The following VRK1 variants were observed in gnomAD, a reference collection of about 807,000 sequenced individuals.
VRK1 encodes the protein VRK serine/threonine kinase 1.
In VRK1, 33 loss-of-function variants were observed where a neutral mutation model predicts 57.1. That is an observed-to-expected ratio of 0.58 (90% CI 0.44 to 0.77). VRK1 has a LOEUF of 0.77. Among genes scored for constraint, VRK1 ranks in the 30% least tolerant of loss-of-function variants. VRK1 has a pLI of 0.00. For missense variants in VRK1, 413 were observed against 477.3 expected (o/e 0.87, Z 1.25); for synonymous variants, 137 against 147.8 (o/e 0.93, Z 0.53).
chr14:96,863,525 A>G (rs1485469329), intron 11 of VRK1, among the ~76,000 whole-genome samples: 1 of 152,120 alleles, frequency 6.6e-6, no homozygotes, highest in Non-Finnish European at 1.5e-5. Flanking sequence ...TAGGGTTTTA[A>G]GTTGCCTGCC....
intron 1 of VRK1, among the ~76,000 whole-genome samples, chr14:96,820,541 T>G (rs199639848): frequency 6.6e-6 from 1 of 152,238 alleles, no homozygotes; most frequent in African/African-American, 2.4e-5. Flanking sequence ...GTGAGTTGTC[T>G]CTGCTGCTTT....
At chr14:96,800,270 C>G (rs1387894508) in intron 1 of VRK1, among the ~76,000 whole-genome samples, 2 of 151,960 alleles carry the variant, frequency 1.3e-5, no homozygotes, top group Admixed American at 1.3e-4. Context: ...ATTTAAGCAC[C>G]CAGCATTCTG....
At chr14:96,859,448 C>T (rs561553625) in intron 10 of VRK1, among the ~76,000 whole-genome samples, 1 of 152,330 alleles carries the variant, frequency 6.6e-6, no homozygotes, top group South Asian at 2.1e-4. Flanking sequence ...ACATTTTTCT[C>T]TCCCAGGGGA....
chr14:96,849,086 C>T (rs56225078), intron 5 of VRK1, among the ~76,000 whole-genome samples: 9,601 of 152,062 alleles, frequency 0.063, 348 homozygotes, highest in South Asian at 0.11. Context: ...AATGAAGACC[C>T]ATAGAGGAAA....
At chr14:96,797,725 A>G (rs1020227882) in intron 1 of VRK1, among the ~76,000 whole-genome samples, 5 of 152,094 alleles carry the variant, frequency 3.3e-5, no homozygotes, top group African/African-American at 1.2e-4. Context: ...TCTGAGCTCC[A>G]CGTTCTGGAC....
At chr14:96,840,035 G>A (rs1334029413) in intron 3 of VRK1, among the ~76,000 whole-genome samples, 6 of 152,156 alleles carry the variant, frequency 3.9e-5, no homozygotes, top group Non-Finnish European at 7.3e-5. Flanking sequence ...GTCGTTGTTC[G>A]TGAAGGATAT....
At chr14:96,843,202 A>G (rs935853255) in intron 3 of VRK1, among the ~76,000 whole-genome samples, 4 of 152,210 alleles carry the variant, frequency 2.6e-5, no homozygotes, top group Admixed American at 6.5e-5. Flanking sequence ...TGGATAATGC[A>G]AGGAGAAAGA....
At chr14:96,850,556 A>C (rs1887908005) in intron 5 of VRK1, among the ~76,000 whole-genome samples, 1 of 152,196 alleles carries the variant, frequency 6.6e-6, no homozygotes, top group African/African-American at 2.4e-5. Flanking sequence ...TGACAAGATT[A>C]AGGTCTTATT....
At chr14:96,823,897 A>G (rs1410107445) in intron 1 of VRK1, among the ~76,000 whole-genome samples, 2 of 152,186 alleles carry the variant, frequency 1.3e-5, no homozygotes, top group Admixed American at 1.3e-4. Flanking sequence ...TCCATTGTAT[A>G]TACATGCCAC....
Position 96,833,634 on chromosome 14 carries a change from A to G in VRK1, c.160+3A>G, listed in dbSNP as rs776960271. 1.2e-6 allele frequency: 2 copies of G among 1,613,586 alleles called. No individual in the cohort carries two copies. Among genetic ancestry groups the G allele is most frequent in the Non-Finnish European group, 1.7e-6 (2 of 1,179,586 alleles). Reference sequence around the variant, plus strand: ...AGGCTTTGGCTGTATATATCTTGGTAAGTGTGTGACTGCTTCTAATGATCA... The same window carrying G: ...AGGCTTTGGCTGTATATATCTTGGTGAGTGTGTGACTGCTTCTAATGATCA... On this transcript the variant is annotated splice_donor_region_variant and intron_variant, in intron 2 of 12. Coordinates refer to ENST00000216639, the MANE Select transcript of VRK1 (RefSeq NM_003384.3).
chr14:96,805,994 T>C (rs911352363), intron 1 of VRK1, among the ~76,000 whole-genome samples: 4 of 151,722 alleles, frequency 2.6e-5, no homozygotes, highest in Non-Finnish European at 5.9e-5. Flanking sequence ...CTTTTTTTTT[T>C]TTTTTTTCTG....
At chr14:96,818,605 G>A (rs1307684093) in intron 1 of VRK1, among the ~76,000 whole-genome samples, 2 of 151,966 alleles carry the variant, frequency 1.3e-5, no homozygotes, top group Non-Finnish European at 2.9e-5. Context: ...TATATCTCAT[G>A]GTTTGTTGTG....
At chr14:96,875,559 C>A (rs1888993366) in intron 11 of VRK1, among the ~76,000 whole-genome samples, 1 of 152,176 alleles carries the variant, frequency 6.6e-6, no homozygotes, top group African/African-American at 2.4e-5. Context: ...GGTACAAACA[C>A]TGATTTAATA....
chr14:96,833,423 T>G, intron 1 of VRK1, 44 bp from the exon 2 acceptor site: 1 of 1,610,166 alleles, frequency 6.2e-7, no homozygotes, highest in Non-Finnish European at 8.5e-7. Context: ...TTTTAAACAC[T>G]TCTAAGATTA....
At chr14:96,849,726 A>G (rs1232572252) in intron 5 of VRK1, among the ~76,000 whole-genome samples, 1 of 152,118 alleles carries the variant, frequency 6.6e-6, no homozygotes, top group Non-Finnish European at 1.5e-5. Context: ...AATTGGTTTC[A>G]TTTGTTTGTC....
At chr14:96,876,541 G>T (rs528653385) in intron 12 of VRK1, among the ~76,000 whole-genome samples, 41 of 152,232 alleles carry the variant, frequency 2.7e-4, no homozygotes, top group African/African-American at 9.1e-4. Context: ...TTGTGAAAGG[G>T]TTAGTGATAG....
intron 1 of VRK1, among the ~76,000 whole-genome samples, chr14:96,803,015 C>T (rs191255010): frequency 6.6e-6 from 1 of 152,084 alleles, no homozygotes; most frequent in Non-Finnish European, 1.5e-5. Flanking sequence ...TAAATCATCC[C>T]TTTGTCCAGC....
chr14:96,855,393 A>C lies in VRK1; in HGVS notation c.709+37A>C, dbSNP rs575830724. 1.4e-5 allele frequency: 22 copies of C among 1,613,622 alleles called. No individual in the cohort carries two copies. The South Asian group carries it at 2.2e-4, about 16-fold the overall frequency. On this transcript the variant is annotated intron_variant, in intron 8 of 12. Transcript: ENST00000216639. The stretch of plus-strand genomic sequence containing the variant: ...GTACTGGAGTGAGAAATAGACTGCT[A>C]ATGTTTTCACCCAGATTCCTACATA...
intron 11 of VRK1, among the ~76,000 whole-genome samples, chr14:96,866,347 C>T (rs543017679): frequency 2.6e-5 from 4 of 152,228 alleles, no homozygotes; most frequent in African/African-American, 7.2e-5. Flanking sequence ...GTATTTGCTT[C>T]GGTTCTCTGC....
Sources: gnomAD v4.1 joint callset for allele counts (sites outside exome capture counted in the v4.1 genomes callset) on GRCh38, gnomAD v4.1.1 for gene constraint, MANE v1.5 for transcripts, NCBI Gene and HGNC (gene_info 2026-07-23, HGNC 2026-07-21) for gene names.